CEP128: variants seen among roughly 807,000 people sequenced by gnomAD.
The protein encoded by CEP128 is centrosomal protein 128kDa.
In CEP128, 132 loss-of-function variants were observed where a neutral mutation model predicts 156.7. The observed-to-expected ratio is 0.84, with a 90% CI of 0.73 to 0.97. CEP128 has a LOEUF of 0.97. CEP128 is among the 50% of genes least tolerant of loss of function. The pLI is 0.00. For missense variants in CEP128, 1,252 were observed against 1,281.9 expected (o/e 0.98, Z 0.36); for synonymous variants, 469 against 448.9 (o/e 1.04, Z -0.57).
Position 80,559,306 on chromosome 14 carries a change from C to A in CEP128, c.2857-4G>T. ...TTTCTAATGCAATTACACGGTCCTG[C>A]AAAGAAAGCATAATATATAATTATA... is the stretch of plus-strand genomic sequence containing the variant. On this transcript the variant is annotated splice_region_variant and splice_polypyrimidine_tract_variant and intron_variant, in intron 20 of 24. Transcript: ENST00000555265. 6.3e-7 allele frequency: 1 copy of A among 1,595,454 alleles called. No homozygotes were observed. The highest frequency in any genetic ancestry group is 8.5e-7 in the Non-Finnish European group (1 of 1,172,874).
chr14:80,494,342 G>C (rs1306951511), downstream of CEP128, among the ~76,000 whole-genome samples: 1 of 152,074 alleles, frequency 6.6e-6, no homozygotes, highest in Admixed American at 6.5e-5. Flanking sequence ...GAAAACACTG[G>C]AACAGTTTGT....
rs1883871804 is a variant in CEP128, at chr14:80,906,087, T to G, written c.235-6A>C. 1 of 1,583,140 alleles carries G rather than the reference T, an allele frequency of 6.3e-7. No homozygotes were observed. Among genetic ancestry groups the G allele is most frequent in the East Asian group, 2.3e-5 (1 of 44,162 alleles). On this transcript the variant is annotated splice_region_variant and splice_polypyrimidine_tract_variant and intron_variant, in intron 4 of 24. Transcript: ENST00000555265. ...TGTTCCAAGCTTTCTTTTAACTAATTTAAAGAATATAATGAATGAAGCGTT... is the reference window on the plus strand; with the variant it reads ...TGTTCCAAGCTTTCTTTTAACTAATGTAAAGAATATAATGAATGAAGCGTT...
Position 80,639,153 on chromosome 14 carries a change from A to G in CEP128, c.2807-58730T>C, listed in dbSNP as rs149423780. On this transcript the variant is annotated intron_variant, in intron 19 of 24. Coordinates refer to ENST00000555265, the MANE Select transcript of CEP128 (RefSeq NM_152446.5). ...GTATTAATATTATATTCTTTATTCTATTTCCACAAATGAGATTCAAATTCA... is the reference window on the plus strand; with the variant it reads ...GTATTAATATTATATTCTTTATTCTGTTTCCACAAATGAGATTCAAATTCA... Among the ~76,000 whole-genome samples the G allele has an allele frequency of 5.3e-5, 8 of 152,300 alleles. No homozygotes were observed. The South Asian group carries it at 1.2e-3, about 24-fold the overall frequency.
At chr14:80,810,260 T>C (rs1884431911) in intron 13 of CEP128, among the ~76,000 whole-genome samples, 1 of 135,996 alleles carries the variant, frequency 7.4e-6, no homozygotes, top group East Asian at 2.4e-4. Flanking sequence ...GAGGCGGAGC[T>C]TGCAGCGAGC....
chr14:80,601,202 C>G (rs1159364658), intron 19 of CEP128, among the ~76,000 whole-genome samples: 1 of 152,014 alleles, frequency 6.6e-6, no homozygotes, highest in East Asian at 1.9e-4. Context: ...AAAACAAATA[C>G]AAACAACTAG....
intron 1 of CEP128, chr14:80,959,328 A>G (rs1886894581): frequency 6.6e-6 from 1 of 152,270 alleles, no homozygotes; most frequent in Non-Finnish European, 1.5e-5. Context: ...GGAAACTTAA[A>G]TGAAGCAAGA....
At chr14:80,651,220 CT>C (rs1894889075) in intron 19 of CEP128, among the ~76,000 whole-genome samples, 1 of 151,908 alleles carries the variant, frequency 6.6e-6, no homozygotes, top group African/African-American at 2.4e-5. Context: ...GTTTACAGTA[CT>C]CTCTGATGGT....
intron 19 of CEP128, among the ~76,000 whole-genome samples, chr14:80,651,835 A>C (rs1051988966): frequency 1.3e-5 from 2 of 152,026 alleles, no homozygotes; most frequent in African/African-American, 4.8e-5. Flanking sequence ...TCTTACTTCC[A>C]ATTATGTGGT....
intron 5 of CEP128, 98 bp downstream of exon 5, chr14:80,905,857 G>A (rs1883857200): frequency 3.5e-6 from 4 of 1,154,840 alleles, no homozygotes; most frequent in Non-Finnish European, 3.7e-6. Flanking sequence ...CAATCTGCAT[G>A]AAGTTATGTG....
intron 9 of CEP128, among the ~76,000 whole-genome samples, chr14:80,841,522 A>G (rs905511838): frequency 2.0e-5 from 3 of 152,092 alleles, no homozygotes; most frequent in Admixed American, 6.6e-5. Context: ...GAGAATAACA[A>G]TATTATCATG....
chr14:80,481,258 C>A (rs1200043186), intron 14 of CEP128, among the ~76,000 whole-genome samples: 1 of 152,160 alleles, frequency 6.6e-6, no homozygotes, highest in African/African-American at 2.4e-5. Context: ...GCACTTCTTA[C>A]ATGGCAGCAG....
intron 19 of CEP128, among the ~76,000 whole-genome samples, chr14:80,667,314 G>A (rs1432393442): frequency 1.3e-5 from 2 of 152,248 alleles, no homozygotes; most frequent in East Asian, 3.9e-4. Flanking sequence ...CAGTGTGGCC[G>A]AGGGGCTTAA....
At chr14:80,673,642 T>A in intron 19 of CEP128, among the ~76,000 whole-genome samples, 1 of 7,810 alleles carries the variant, frequency 1.3e-4, no homozygotes, top group Non-Finnish European at 2.5e-4. Context: ...CGAGACTCCG[T>A]CTCAAAAAAA....
chr14:80,955,604 C>G, intron 2 of CEP128: 1 of 1,587,188 alleles, frequency 6.3e-7, no homozygotes, highest in Middle Eastern at 2.2e-4. Context: ...CTCCTTTGGC[C>G]TGGGGTAACC....
chr14:80,539,412 G>A (rs777921150), intron 21 of CEP128, among the ~76,000 whole-genome samples: 56 of 152,124 alleles, frequency 3.7e-4, no homozygotes, highest in Admixed American at 9.2e-4. Flanking sequence ...CTGGAGCCGC[G>A]GCAGAGGAGC....
intron 14 of CEP128, among the ~76,000 whole-genome samples, chr14:80,790,966 T>C (rs896116692): frequency 2.0e-5 from 3 of 152,124 alleles, no homozygotes; most frequent in Non-Finnish European, 4.4e-5. Context: ...TAATACACCC[T>C]TCCAAAATAC....
chr14:80,881,719 C>A (rs1376717093), intron 8 of CEP128, among the ~76,000 whole-genome samples: 6 of 152,056 alleles, frequency 3.9e-5, no homozygotes, highest in Non-Finnish European at 8.8e-5. Flanking sequence ...GAAAAAAGGT[C>A]ATCAATACCA....
chr14:80,906,135 A>G, intron 4 of CEP128, 54 bp from the exon 5 acceptor site: 2 of 1,314,330 alleles, frequency 1.5e-6, no homozygotes, highest in Non-Finnish European at 2.0e-6. Flanking sequence ...CAACTTCCAA[A>G]TACAAATAGA....
At chr14:80,576,907 C>T (rs780002463) in intron 20 of CEP128, among the ~76,000 whole-genome samples, 6 of 151,878 alleles carry the variant, frequency 4.0e-5, no homozygotes, top group African/African-American at 9.7e-5. Context: ...AGTGGACATC[C>T]GGAAAAGTGA....
Sources: gnomAD v4.1 joint callset for allele counts (sites outside exome capture counted in the v4.1 genomes callset) on GRCh38, gnomAD v4.1.1 for gene constraint, MANE v1.5 for transcripts, NCBI Gene and HGNC (gene_info 2026-07-23, HGNC 2026-07-21) for gene names.